MAP2K5: variants seen among roughly 807,000 people sequenced by gnomAD.
MAP2K5 encodes the protein dual specificity mitogen-activated protein kinase kinase 5.
In MAP2K5, 49 loss-of-function variants were observed where a neutral mutation model predicts 83.1. That is an observed-to-expected ratio of 0.59 (90% CI 0.47 to 0.75). The LOEUF is 0.75. MAP2K5 is among the 30% of genes least tolerant of loss of function. The probability of loss-of-function intolerance (pLI) is 0.00; values close to 1 mark genes in which losing one functional copy is unlikely to be tolerated. For missense variants in MAP2K5, 457 were observed against 557.5 expected (o/e 0.82, Z 1.82); for synonymous variants, 202 against 191.8 (o/e 1.05, Z -0.44).
chr15:67,673,482 A>G (rs369453982), intron 13 of MAP2K5, among the ~76,000 whole-genome samples: 1 of 152,150 alleles, frequency 6.6e-6, no homozygotes, highest in Non-Finnish European at 1.5e-5. Flanking sequence ...AAATGGGAAA[A>G]GAGAAATGGT....
rs75844848 is a variant in MAP2K5 at position 67,786,020 on chromosome 15, T to A, written c.1242+13268T>A. 9.1e-6 allele frequency among the ~76,000 whole-genome samples: 1 copy of A among 109,346 alleles called. No homozygotes were observed. The highest frequency in any genetic ancestry group is 2.8e-4 in the East Asian group (1 of 3,590). 71.7% of individuals were successfully genotyped at this position (109,346 alleles called of 152,430 possible). A position where few individuals can be genotyped will look rare whatever the true frequency, so the allele number is the denominator to read the frequency against. ...AGGGGGCTTTTAGCTGTTAGGTTGT[T>A]TTTTTTTTTTTAACTTACAGAAGAT... On this transcript the variant is annotated intron_variant, in intron 21 of 21. Transcript: ENST00000178640. The surrounding 1 kb of genome is among the most constrained non-coding windows in gnomAD (Gnocchi z 4.7).
At chr15:67,601,648 A>C (rs1044104959) in intron 8 of MAP2K5, among the ~76,000 whole-genome samples, 1 of 152,220 alleles carries the variant, frequency 6.6e-6, no homozygotes, top group African/African-American at 2.4e-5. Flanking sequence ...CTTATTTTCT[A>C]ATTGGTTACC....
intron 16 of MAP2K5, among the ~76,000 whole-genome samples, chr15:67,707,848 T>A (rs1446533461): frequency 6.6e-6 from 1 of 152,220 alleles, no homozygotes; most frequent in African/African-American, 2.4e-5. Flanking sequence ...AGAGATCAAA[T>A]GTCAAAGTAT....
At chr15:67,716,310 C>T (rs1350348515) in intron 16 of MAP2K5, among the ~76,000 whole-genome samples, 2 of 152,016 alleles carry the variant, frequency 1.3e-5, no homozygotes, top group African/African-American at 2.4e-5. Flanking sequence ...CATTGCACTC[C>T]AGCAACCGAG....
At chr15:67,739,457 TATATA>T (rs1423774737) in intron 17 of MAP2K5, among the ~76,000 whole-genome samples, 6 of 15,976 alleles carry the variant, frequency 3.8e-4, no homozygotes, top group East Asian at 2.7e-3. Context: ...TATATATATA[TATATA>T]TTTTTTTTTT....
At chr15:67,645,133 C>T (rs890532619) in intron 9 of MAP2K5, among the ~76,000 whole-genome samples, 1 of 152,188 alleles carries the variant, frequency 6.6e-6, no homozygotes, top group South Asian at 2.1e-4. Flanking sequence ...GATCATGCCA[C>T]TGCACTCCAG....
chr15:67,628,490 A>G (rs1376764967), intron 8 of MAP2K5: 13 of 671,016 alleles, frequency 1.9e-5, no homozygotes, highest in Non-Finnish European at 3.3e-5. Flanking sequence ...AAAAAAAATA[A>G]AAATAAAAAA....
At chr15:67,628,698 T>A (rs2086385277) in intron 8 of MAP2K5, 1 of 851,430 alleles carries the variant, frequency 1.2e-6, no homozygotes, top group South Asian at 1.3e-5. Flanking sequence ...AACGGTGAAG[T>A]TAGGAAAGCC....
At chr15:67,600,577 A>G (rs2085634185) in intron 7 of MAP2K5, 108 bp from the exon 8 acceptor site, 3 of 775,666 alleles carry the variant, frequency 3.9e-6, no homozygotes, top group Non-Finnish European at 6.3e-6. Context: ...TTGCAGCTGA[A>G]CTTGAAATGA....
Position 67,565,416 on chromosome 15 carries a change from G to A in MAP2K5, c.252+2066G>A, listed in dbSNP as rs1272581852. Among the ~76,000 whole-genome samples the A allele has an allele frequency of 6.6e-6, 1 of 152,068 alleles. No individual in the cohort carries two copies. Among genetic ancestry groups the A allele is most frequent in the Non-Finnish European group, 1.5e-5 (1 of 68,018 alleles). On this transcript the variant is annotated intron_variant, in intron 3 of 21. Coordinates refer to ENST00000178640, the MANE Select transcript of MAP2K5 (RefSeq NM_145160.3). This position sits in a 1 kb window ranked among gnomAD's most constrained non-coding sequence, Gnocchi z 4.1. ...GGCTAATTTTTGTATTTTTAGTAGA[G>A]ACGGGGTTTCATCATGTTGGCCAGG...
intron 19 of MAP2K5, among the ~76,000 whole-genome samples, chr15:67,765,693 G>T (rs1170151255): frequency 1.3e-5 from 2 of 152,144 alleles, no homozygotes; most frequent in Admixed American, 1.3e-4. Context: ...ACTAGTAGCA[G>T]CTGTGGTTGG....
At chr15:67,624,589 T>TTGTGTG (rs71142388) in intron 8 of MAP2K5, among the ~76,000 whole-genome samples, 12 of 141,802 alleles carry the variant, frequency 8.5e-5, no homozygotes, top group East Asian at 4.2e-4. Context: ...CACGATCTCT[T>TTGTGTG]TGTGTGTGTG....
chr15:67,630,101 G>A (rs928302380), intron 8 of MAP2K5, among the ~76,000 whole-genome samples: 1 of 152,150 alleles, frequency 6.6e-6, no homozygotes, highest in African/African-American at 2.4e-5. Context: ...TAGCATGGTG[G>A]CATGTGCCTA....
chr15:67,787,181 G>A (rs1240615417), intron 21 of MAP2K5, among the ~76,000 whole-genome samples: 2 of 152,236 alleles, frequency 1.3e-5, no homozygotes, highest in Non-Finnish European at 2.9e-5. Flanking sequence ...TGGTGGGCCA[G>A]ACCCTCTGGC....
chr15:67,687,294 C>G (rs562532480), intron 13 of MAP2K5, among the ~76,000 whole-genome samples: 1 of 152,196 alleles, frequency 6.6e-6, no homozygotes, highest in African/African-American at 2.4e-5. Flanking sequence ...TGGAGTAGAA[C>G]ACAAAAAGCT....
intron 1 of MAP2K5, chr15:67,546,672 A>G (rs2084394604): frequency 1.1e-6 from 1 of 932,580 alleles, no homozygotes; most frequent in Admixed American, 6.2e-5. Flanking sequence ...GGAAAACTAT[A>G]CAAGAGGTCT....
Position 67,640,169 on chromosome 15 carries a change from A to G in MAP2K5, c.586-6062A>G, listed in dbSNP as rs1041241809. Among the ~76,000 whole-genome samples, 2 of 152,224 alleles carry G rather than the reference A, an allele frequency of 1.3e-5. No homozygotes were observed. Among genetic ancestry groups the G allele is most frequent in the Non-Finnish European group, 2.9e-5 (2 of 68,042 alleles). On this transcript the variant is annotated intron_variant, in intron 9 of 21. Coordinates refer to ENST00000178640, the MANE Select transcript of MAP2K5 (RefSeq NM_145160.3). This position sits in a 1 kb window ranked among gnomAD's most constrained non-coding sequence, Gnocchi z 4.6. The stretch of plus-strand genomic sequence containing the variant: ...TCCTTGCATATAGGGTATAGTACAA[A>G]GCATTACACATAACGAGTAAGTGTT...
At chr15:67,657,796 A>G (rs1468678425) in intron 11 of MAP2K5, among the ~76,000 whole-genome samples, 2 of 152,094 alleles carry the variant, frequency 1.3e-5, no homozygotes, top group African/African-American at 2.4e-5. Flanking sequence ...ATATGAATAC[A>G]CGATTTTTTT....
At chr15:67,626,758 G>A (rs2086333595) in intron 8 of MAP2K5, among the ~76,000 whole-genome samples, 1 of 151,862 alleles carries the variant, frequency 6.6e-6, no homozygotes. Flanking sequence ...AAATTAGCCA[G>A]GCATGGTGGT....
Sources: gnomAD v4.1 joint callset for allele counts (sites outside exome capture counted in the v4.1 genomes callset) on GRCh38, gnomAD v4.1.1 for gene constraint, Gnocchi (gnomAD v3.1) non-coding constraint, MANE v1.5 for transcripts, NCBI Gene and HGNC (gene_info 2026-07-23, HGNC 2026-07-21) for gene names.